COMMD1: variants seen among roughly 807,000 people sequenced by gnomAD.
The protein encoded by COMMD1 is COMM domain-containing protein 1.
In COMMD1, 10 loss-of-function variants were observed where a neutral mutation model predicts 17.2. The observed-to-expected ratio is 0.58, with a 90% CI of 0.36 to 0.99. COMMD1 has a LOEUF of 0.99. COMMD1 is among the 50% of genes least tolerant of loss of function. The pLI is 0.01. For synonymous variants in COMMD1, 97 were observed against 91.6 expected (o/e 1.06, Z -0.34); for missense variants, 270 against 231.8 (o/e 1.17, Z -1.07).
chr2:61,985,891 A>C (rs1285762425), intron 1 of COMMD1, among the ~76,000 whole-genome samples: 2 of 151,976 alleles, frequency 1.3e-5, no homozygotes, highest in African/African-American at 4.8e-5. Context: ...TTCTACTCAC[A>C]ATATGAGTAG....
intron 1 of COMMD1, among the ~76,000 whole-genome samples, chr2:61,926,358 T>C (rs1008639106): frequency 1.3e-5 from 2 of 152,210 alleles, no homozygotes; most frequent in Admixed American, 6.6e-5. Context: ...ATTTTAGTTA[T>C]TTGTCTTTGA....
At chr2:61,913,366 C>CAAAAAAAA (rs767142777) in intron 1 of COMMD1, among the ~76,000 whole-genome samples, 2 of 41,984 alleles carry the variant, frequency 4.8e-5, no homozygotes, top group African/African-American at 8.0e-5. Flanking sequence ...GACTCCATCT[C>CAAAAAAAA]AAAAAAAAAA....
chr2:62,096,308 A>G (rs984539745), intron 2 of COMMD1, among the ~76,000 whole-genome samples: 1 of 152,244 alleles, frequency 6.6e-6, no homozygotes, highest in African/African-American at 2.4e-5. Context: ...GTAACCTTTC[A>G]AAACTGATGA....
upstream of COMMD1, among the ~76,000 whole-genome samples, chr2:61,904,155 C>T (rs1044242048): frequency 5.7e-4 from 86 of 151,860 alleles, no homozygotes; most frequent in Middle Eastern, 3.4e-3. Flanking sequence ...GGACTACAGG[C>T]GCCCGCCACT....
chr2:62,087,233 A>G (rs1020651220), intron 2 of COMMD1, among the ~76,000 whole-genome samples: 1 of 152,206 alleles, frequency 6.6e-6, no homozygotes, highest in African/African-American at 2.4e-5. Context: ...AATTCTTCAT[A>G]ATTTTTGTTC....
intron 1 of COMMD1, among the ~76,000 whole-genome samples, chr2:61,939,562 C>T (rs1670687807): frequency 6.6e-6 from 1 of 151,946 alleles, no homozygotes; most frequent in South Asian, 2.1e-4. Context: ...CTATTTTAGT[C>T]AAAGTCTTGG....
chr2:61,972,512 C>T (rs1421588879), intron 1 of COMMD1, among the ~76,000 whole-genome samples: 20 of 152,166 alleles, frequency 1.3e-4, no homozygotes, highest in Non-Finnish European at 2.9e-5. Flanking sequence ...AATTTTACAG[C>T]AGAGAAACCT....
chr2:61,983,890 C>T (rs781344843), intron 1 of COMMD1, among the ~76,000 whole-genome samples: 2 of 152,028 alleles, frequency 1.3e-5, no homozygotes, highest in Non-Finnish European at 2.9e-5. Context: ...TTGGTTTGCT[C>T]TTGTTTTTCT....
intron 2 of COMMD1, among the ~76,000 whole-genome samples, chr2:62,056,177 C>T (rs1670695634): frequency 6.6e-6 from 1 of 152,160 alleles, no homozygotes; most frequent in Admixed American, 6.5e-5. Context: ...ACTGTGTCAT[C>T]CATAGAGAAA....
chr2:62,089,540 C>T (rs1420369743), intron 2 of COMMD1, among the ~76,000 whole-genome samples: 2 of 152,154 alleles, frequency 1.3e-5, no homozygotes, highest in East Asian at 3.8e-4. Context: ...GCCTCGGCCT[C>T]TCAAAGTGCT....
At chr2:61,963,171 T>A (rs191347374) in intron 1 of COMMD1, among the ~76,000 whole-genome samples, 37,384 of 130,640 alleles carry the variant, frequency 0.29, 5,039 homozygotes, top group African/African-American at 0.3. Context: ...AAAAAAAAAA[T>A]ATATATATAT....
At chr2:62,002,644 A>G (rs1291225538) in intron 2 of COMMD1, among the ~76,000 whole-genome samples, 2 of 151,726 alleles carry the variant, frequency 1.3e-5, no homozygotes, top group African/African-American at 2.4e-5. Context: ...CCTGGCCAAC[A>G]TGGTAAAGCC....
chr2:61,894,282 A>G (rs1669504223), intron 1 of COMMD1, among the ~76,000 whole-genome samples: 1 of 152,060 alleles, frequency 6.6e-6, no homozygotes, highest in Non-Finnish European at 1.5e-5. Context: ...GAATTTTTTT[A>G]GTAGAGATGG....
At chr2:62,028,800 A>T (rs368787326) in intron 2 of COMMD1, among the ~76,000 whole-genome samples, 1 of 152,220 alleles carries the variant, frequency 6.6e-6, no homozygotes, top group Non-Finnish European at 1.5e-5. Context: ...TTCTAAATGT[A>T]TGAACACTTG....
intron 1 of COMMD1, among the ~76,000 whole-genome samples, chr2:61,994,983 A>C (rs569308413): frequency 6.6e-6 from 1 of 152,250 alleles, no homozygotes; most frequent in South Asian, 2.1e-4. Context: ...GGGGAGGCTT[A>C]CCCTGGGGAC....
In COMMD1 at chr2:61,910,748, C is replaced by G. The variant is rs983917340; in HGVS notation, c.180+4890C>G. ...ATACCTTAGTCTGTATTCACTACTGCCCTCTGGTGATGATTTTGTATTTCC... is the reference window on the plus strand; with the variant it reads ...ATACCTTAGTCTGTATTCACTACTGGCCTCTGGTGATGATTTTGTATTTCC... On this transcript the variant is annotated intron_variant, in intron 1 of 2. Transcript: ENST00000311832. 3.9e-5 allele frequency among the ~76,000 whole-genome samples: 6 copies of G among 152,086 alleles called. No individual in the cohort carries two copies. In the South Asian group the frequency reaches 1.2e-3, roughly 31 times the overall value.
intron 2 of COMMD1, among the ~76,000 whole-genome samples, chr2:62,120,510 G>T (rs1367827811): frequency 6.6e-6 from 1 of 151,970 alleles, no homozygotes; most frequent in Non-Finnish European, 1.5e-5. Flanking sequence ...GTTTCTTTGA[G>T]ATTTAAGTGA....
At chr2:61,907,420 C>A (rs531628637) in intron 1 of COMMD1, among the ~76,000 whole-genome samples, 25 of 152,248 alleles carry the variant, frequency 1.6e-4, no homozygotes, top group Non-Finnish European at 2.6e-4. Flanking sequence ...CTTCCTATTT[C>A]TATCAAATTT....
intron 2 of COMMD1, among the ~76,000 whole-genome samples, chr2:62,068,289 A>G (rs747519138): frequency 1.3e-5 from 2 of 152,224 alleles, no homozygotes; most frequent in Non-Finnish European, 2.9e-5. Context: ...TTGACTCAAA[A>G]TGGATCATAA....
Sources: allele counts gnomAD v4.1 joint callset (sites outside exome capture counted in the v4.1 genomes callset), GRCh38; gene constraint gnomAD v4.1.1; transcripts MANE v1.5; gene names NCBI Gene and HGNC (gene_info 2026-07-23, HGNC 2026-07-21).